The following ANKRD28 variants were observed in gnomAD, a reference collection of about 807,000 sequenced individuals.
ANKRD28 encodes the protein serine/threonine-protein phosphatase 6 regulatory ankyrin repeat subunit A.
ANKRD28 carries 44 observed loss-of-function variants against 126.5 expected under a neutral mutation model. The ratio of observed to expected loss-of-function variants is 0.35; its 90% CI spans 0.27 to 0.45. The LOEUF is 0.45. Ranked by LOEUF, ANKRD28 falls within the 20% of genes least tolerant of loss-of-function variation. The probability of loss-of-function intolerance (pLI) is 1.00; values close to 1 mark genes in which losing one functional copy is unlikely to be tolerated. For synonymous variants in ANKRD28, 442 were observed against 468.5 expected (o/e 0.94, Z 0.73); for missense variants, 1,110 against 1,316.6 (o/e 0.84, Z 2.43).
intron 1 of ANKRD28, among the ~76,000 whole-genome samples, chr3:15,831,868 T>C (rs2061199724): frequency 6.6e-6 from 1 of 152,190 alleles, no homozygotes; most frequent in Non-Finnish European, 1.5e-5. Context: ...TAAATAAGGA[T>C]ACATATATAT....
Position 15,707,928 on chromosome 3 carries a change from C to T in ANKRD28, c.1543G>A (p.Gly515Ser), listed in dbSNP as rs758413634. 6.2e-7 allele frequency: 1 copy of T among 1,612,512 alleles called. No individual in the cohort carries two copies. The highest frequency in any genetic ancestry group is 8.5e-7 in the Non-Finnish European group (1 of 1,178,922). Residue 515 changes from glycine (G) to serine (S), a missense_variant, in exon 14 of 28, where the codon GGC (glycine) becomes AGC (serine). Gly to Ser is a moderately conservative substitution (Grantham distance 56). Transcript: ENST00000683139. The part of the protein sequence containing the change: ...LHYAATSDTD[G>S]KCLEYLLRND... ...TCTCACTCCTATGGTACTTACTTGC[C>T]ATCTGTGTCTGATGTAGCTGCATAG...
chr3:15,747,768 A>G (rs2057578398), intron 4 of ANKRD28, among the ~76,000 whole-genome samples: 4 of 152,080 alleles, frequency 2.6e-5, no homozygotes, highest in Admixed American at 2.6e-4. Flanking sequence ...TGTTTTGATG[A>G]TCTGTCTAGT....
At chr3:15,671,238 C>T (rs142566183) in intron 27 of ANKRD28, among the ~76,000 whole-genome samples, 3 of 152,114 alleles carry the variant, frequency 2.0e-5, no homozygotes, top group East Asian at 1.9e-4. Flanking sequence ...TGACCTTAGT[C>T]GTAAGTTACC....
At chr3:15,829,812 G>A (rs771589034) in intron 1 of ANKRD28, among the ~76,000 whole-genome samples, 6 of 151,932 alleles carry the variant, frequency 3.9e-5, no homozygotes, top group African/African-American at 7.3e-5. Context: ...ATTGACAGTG[G>A]CTTTCCTTGA....
intron 6 of ANKRD28, chr3:15,732,156 G>C (rs981698955): frequency 6.6e-6 from 1 of 152,228 alleles, no homozygotes; most frequent in Non-Finnish European, 1.5e-5. Flanking sequence ...CTGAAGTACA[G>C]AGGGACTCTG....
At chr3:15,800,111 T>C (rs903557837), upstream of ANKRD28, among the ~76,000 whole-genome samples, 1 of 152,072 alleles carries the variant, frequency 6.6e-6, no homozygotes, top group South Asian at 2.1e-4. Context: ...TCAGCCCACC[T>C]GAAGTTCAAT....
rs1411829846 is a variant in ANKRD28, at chr3:15,846,656, T to C, written c.27+12721A>G. On this transcript the variant is annotated intron_variant, in intron 1 of 27. Transcript: ENST00000399451. This position sits in a 1 kb window ranked among gnomAD's most constrained non-coding sequence, Gnocchi z 5.4. ...GATGCTGTAATGGATAAATCCCAAA[T>C]TATCACATAACAGAATAGGTTATTT... Among the ~76,000 whole-genome samples, 2 of 152,216 alleles carry C rather than the reference T, an allele frequency of 1.3e-5. No homozygotes were observed. The highest frequency in any genetic ancestry group is 2.9e-5 in the Non-Finnish European group (2 of 68,040).
At chr3:15,715,989 T>TC (rs1491463686) in intron 8 of ANKRD28, among the ~76,000 whole-genome samples, 35 of 149,246 alleles carry the variant, frequency 2.3e-4, no homozygotes, top group African/African-American at 8.0e-4. Context: ...GCCTTTTTTT[T>TC]CTCTCTTTTT....
In ANKRD28 at chr3:15,850,258, G is replaced by GAGAGAGAGAGAGAGAGAGAGAA. The variant is rs1384999941; in HGVS notation, c.27+9118_27+9119insTTCTCTCTCTCTCTCTCTCTCT. Among the ~76,000 whole-genome samples, 135 of 126,872 alleles carry GAGAGAGAGAGAGAGAGAGAGAA rather than the reference G, an allele frequency of 1.1e-3. 5 individuals are homozygous for GAGAGAGAGAGAGAGAGAGAGAA. Among genetic ancestry groups the GAGAGAGAGAGAGAGAGAGAGAA allele is most frequent in the East Asian group, 7.1e-3 (22 of 3,120 alleles). The allele number at this position is 126,872 out of a possible 152,430, so 83.2% of individuals were successfully genotyped here. On this transcript the variant is annotated intron_variant, in intron 1 of 27. Coordinates refer to the ANKRD28 transcript ENST00000399451. ...AGAGAGAGAGAGAGAGAGAGAGAGA[G>GAGAGAGAGAGAGAGAGAGAGAA]AGAGAAAGTTGAAATCCTACCTCAT...
intron 2 of ANKRD28, among the ~76,000 whole-genome samples, chr3:15,766,718 C>T (rs1268468805): frequency 6.6e-6 from 1 of 152,090 alleles, no homozygotes; most frequent in African/African-American, 2.4e-5. Context: ...AGGGTATTTC[C>T]TTGCTAAGGC....
chr3:15,749,450 T>C (rs2057726833), intron 4 of ANKRD28, among the ~76,000 whole-genome samples: 1 of 152,246 alleles, frequency 6.6e-6, no homozygotes, highest in South Asian at 2.1e-4. Context: ...TTTTCTCTGG[T>C]GTCTCCTTAA....
At chr3:15,685,814 T>C (rs2068049210) in intron 20 of ANKRD28, among the ~76,000 whole-genome samples, 188 bp downstream of exon 20, 1 of 152,230 alleles carries the variant, frequency 6.6e-6, no homozygotes, top group Non-Finnish European at 1.5e-5. Flanking sequence ...GTTCTAACAT[T>C]GTTCTCTAGA....
chr3:15,782,157 T>C (rs1024510953), intron 2 of ANKRD28, among the ~76,000 whole-genome samples: 2 of 152,074 alleles, frequency 1.3e-5, no homozygotes, highest in Non-Finnish European at 2.9e-5. Context: ...AAGAATCTAT[T>C]TCCTCTCAAT....
At chr3:15,691,649 G>C (rs957518968) in intron 17 of ANKRD28, among the ~76,000 whole-genome samples, 1 of 152,172 alleles carries the variant, frequency 6.6e-6, no homozygotes, top group Admixed American at 6.5e-5. Context: ...TCTTTATAAT[G>C]AATCTGTGTA....
intron 14 of ANKRD28, among the ~76,000 whole-genome samples, chr3:15,701,681 T>TA (rs2070656328): frequency 6.6e-6 from 1 of 151,762 alleles, no homozygotes; most frequent in Admixed American, 6.6e-5. Flanking sequence ...ATAAAAAGGT[T>TA]AAAGTGGGTA....
chr3:15,850,903 G>A (rs2061638157), intron 1 of ANKRD28, among the ~76,000 whole-genome samples: 1 of 152,184 alleles, frequency 6.6e-6, no homozygotes, highest in South Asian at 2.1e-4. Flanking sequence ...ACTGGCATCT[G>A]AAGTGGAGGC....
chr3:15,689,795 T>C, intron 18 of ANKRD28: 1 of 484,130 alleles, frequency 2.1e-6, no homozygotes, highest in Admixed American at 3.4e-5. Context: ...TGTATTTAAG[T>C]TCCCTGAACA....
At chr3:15,746,631 A>C (rs189317731) in intron 4 of ANKRD28, among the ~76,000 whole-genome samples, 1 of 152,176 alleles carries the variant, frequency 6.6e-6, no homozygotes, top group East Asian at 1.9e-4. Context: ...TTTGTTGAGG[A>C]CTTATGCATC....
chr3:15,743,863 C>T lies in ANKRD28; in HGVS notation c.352-6630G>A, dbSNP rs371841015. Among the ~76,000 whole-genome samples, 5 of 152,238 alleles carry T rather than the reference C, an allele frequency of 3.3e-5. No individual in the cohort carries two copies. The South Asian group carries it at 6.2e-4, about 19-fold the overall frequency. On this transcript the variant is annotated intron_variant, in intron 4 of 27. Transcript: ENST00000683139. ...GAGGTAATTAAGCACTAAGGTAGTA[C>T]GGTATGTGCTAAGTTAAGTTCTCTT...
Sources: gnomAD v4.1 joint callset for allele counts (sites outside exome capture counted in the v4.1 genomes callset) on GRCh38, gnomAD v4.1.1 for gene constraint, Gnocchi (gnomAD v3.1) non-coding constraint, MANE v1.5 for transcripts, NCBI Gene and HGNC (gene_info 2026-07-23, HGNC 2026-07-21) for gene names.